The following LLGL2 variants were observed in gnomAD, a reference collection of about 807,000 sequenced individuals.
The protein encoded by LLGL2 is LLGL scribble cell polarity complex component 2.
In LLGL2, 81 loss-of-function variants were observed where a neutral mutation model predicts 123.2. The ratio of observed to expected loss-of-function variants is 0.66; its 90% CI spans 0.55 to 0.79. LLGL2 has a LOEUF of 0.79. Ranked by LOEUF, LLGL2 falls within the 30% of genes least tolerant of loss-of-function variation. The pLI is 0.00. For synonymous variants in LLGL2, 577 were observed against 594.1 expected, an observed-to-expected ratio of 0.97 and a Z score of 0.42; for missense variants, 1,273 against 1,414.6, an observed-to-expected ratio of 0.90 and a Z score of 1.61.
In LLGL2 at chr17:75,549,149, CTGTT is replaced by C. The variant is rs921834588; in HGVS notation, c.75+5651_75+5654del. ...CTCAGTTACTTCACCAGTGAAGTAACTGTTTGCTATATATGGTGGGCCGTCAAGC... is the reference window on the plus strand; with the variant it reads ...CTCAGTTACTTCACCAGTGAAGTAACTGCTATATATGGTGGGCCGTCAAGC... On this transcript the variant is annotated intron_variant, in intron 2 of 25. Coordinates refer to ENST00000392550, the MANE Select transcript of LLGL2 (RefSeq NM_001031803.2). This position sits in a 1 kb window ranked among gnomAD's most constrained non-coding sequence, Gnocchi z 4.0. 3.9e-5 allele frequency among the ~76,000 whole-genome samples: 6 copies of C among 152,050 alleles called. No individual in the cohort carries two copies. Among genetic ancestry groups the C allele is most frequent in the African/African-American group, 1.4e-4 (6 of 41,392 alleles).
At position 75,574,218 on chromosome 17, in the gene LLGL2, C is replaced by A. The variant is rs780706584; in HGVS notation, c.2911C>A (p.Gln971Lys). ...ACCCGGCCTCTACCTTCCAGAGAAG[C>A]AGCCCGGCCTGGTGATGGAGCGCGC... ...SGTQSDGEEK[Q>K]PGLVMERALL... The change falls in exon 23 of 26, where the codon CAG becomes AAG. Residue 971 changes from glutamine to lysine, a missense_variant. Physicochemically the swap from Gln to Lys is moderately conservative, Grantham distance 53. Transcript: ENST00000392550. 1.7e-4 allele frequency: 266 copies of A among 1,536,656 alleles called. No individual in the cohort carries two copies. Among genetic ancestry groups the A allele is most frequent in the South Asian group, 2.7e-4 (22 of 82,320 alleles).
rs1244967127 is a variant in LLGL2, at chr17:75,559,415, GCCC to G, written c.530+6_530+8del. On this transcript the variant is annotated splice_donor_region_variant and intron_variant, in intron 6 of 25. Coordinates refer to ENST00000392550, the MANE Select transcript of LLGL2 (RefSeq NM_001031803.2). The surrounding 1 kb of genome is among the most constrained non-coding windows in gnomAD (Gnocchi z 4.6). The stretch of plus-strand genomic sequence containing the variant: ...CTCGGACGCGGTGCTGCAGCGGTGA[GCCC>G]AGAGCCCAGCTGCTGTTAACTCCAT... 6.3e-7 allele frequency: 1 copy of G among 1,596,710 alleles called. No homozygotes were observed. Among genetic ancestry groups the G allele is most frequent in the Non-Finnish European group, 8.5e-7 (1 of 1,172,396 alleles).
At chr17:75,572,219 G>C (rs1017123761) in intron 19 of LLGL2, among the ~76,000 whole-genome samples, 155 bp downstream of exon 19, 2 of 152,144 alleles carry the variant, frequency 1.3e-5, no homozygotes, top group Non-Finnish European at 2.9e-5. Flanking sequence ...GGGGAGTCTC[G>C]TGTGAGGACA....
At chr17:75,545,654 G>A (rs984998966) in intron 2 of LLGL2, among the ~76,000 whole-genome samples, 3 of 152,178 alleles carry the variant, frequency 2.0e-5, no homozygotes, top group Non-Finnish European at 4.4e-5. Flanking sequence ...CTGACCCTGC[G>A]GCTCCAGGGG....
rs756588815 is a variant in LLGL2, at chr17:75,573,525, TCCA to T, written c.2774_2776del (p.Thr925del). ...CTCGGAGTTTGAGCGCTTCTCTCTC[TCCA>T]CCAAGTGGCTGGTGGAGCCCCGGTG... is the stretch of plus-strand genomic sequence containing the variant. On this transcript the variant is annotated inframe_deletion, in exon 21 of 26. Coordinates refer to ENST00000392550, the MANE Select transcript of LLGL2 (RefSeq NM_001031803.2). 1.2e-6 allele frequency: 2 copies of T among 1,612,692 alleles called. No homozygotes were observed. The highest frequency in any genetic ancestry group is 1.7e-6 in the Non-Finnish European group (2 of 1,179,844).
chr17:75,535,854 G>A (rs1253027626), intron 1 of LLGL2, among the ~76,000 whole-genome samples: 1 of 152,180 alleles, frequency 6.6e-6, no homozygotes, highest in Non-Finnish European at 1.5e-5. Flanking sequence ...GTGGACACCT[G>A]TCCTAGACCC....
chr17:75,550,031 G>C (rs1184578150), intron 2 of LLGL2, among the ~76,000 whole-genome samples: 1 of 152,268 alleles, frequency 6.6e-6, no homozygotes, highest in Admixed American at 6.5e-5. Flanking sequence ...CCAGGTATCA[G>C]ATGTGGGCGG....
chr17:75,553,528 C>A (rs2054771350), intron 2 of LLGL2, among the ~76,000 whole-genome samples: 1 of 152,178 alleles, frequency 6.6e-6, no homozygotes, highest in Admixed American at 6.5e-5. Context: ...TGCTTTGAGG[C>A]CTGGCAGGGC....
chr17:75,560,518 C>T (rs1469077517), intron 6 of LLGL2, among the ~76,000 whole-genome samples: 1 of 152,038 alleles, frequency 6.6e-6, no homozygotes, highest in Non-Finnish European at 1.5e-5. Context: ...TGGAGTTTCA[C>T]TCTTGTTCCC....
In LLGL2 at chr17:75,558,102, G is replaced by A. The variant is rs371652084; in HGVS notation, c.174-53G>A. 3.6e-4 allele frequency: 551 copies of A among 1,547,642 alleles called. No homozygotes were observed. Among genetic ancestry groups the A allele is most frequent in the Non-Finnish European group, 4.0e-4 (443 of 1,120,048 alleles). ...GGGCCCCGAGGGCCTGGCACTCAAG[G>A]CAGGCAGGGGATGGTGTCCGACCTT... On this transcript the variant is annotated intron_variant, in intron 3 of 25. Coordinates refer to ENST00000392550, the MANE Select transcript of LLGL2 (RefSeq NM_001031803.2). The surrounding 1 kb of genome is among the most constrained non-coding windows in gnomAD (Gnocchi z 4.0).
chr17:75,548,541 T>C (rs1260990208), intron 2 of LLGL2, among the ~76,000 whole-genome samples: 2 of 152,032 alleles, frequency 1.3e-5, no homozygotes, highest in Non-Finnish European at 2.9e-5. Flanking sequence ...GTCTCCTGCC[T>C]GCAATGCCAG....
intron 23 of LLGL2, 48 bp from the exon 24 acceptor site, chr17:75,574,405 A>G (rs762463307): frequency 6.5e-7 from 1 of 1,546,376 alleles, no homozygotes; most frequent in South Asian, 1.2e-5. Flanking sequence ...GGCTGTGGCT[A>G]GCCGCCCCAA....
intron 23 of LLGL2, 73 bp downstream of exon 23, chr17:75,574,333 C>T: frequency 6.6e-7 from 1 of 1,524,116 alleles, no homozygotes; most frequent in Non-Finnish European, 8.8e-7. Context: ...GGAGGCTGGG[C>T]AGGCCACTGC....
chr17:75,528,405 G>A (rs758173343), intron 1 of LLGL2, among the ~76,000 whole-genome samples: 24 of 152,094 alleles, frequency 1.6e-4, no homozygotes, highest in East Asian at 9.8e-4. Context: ...GTAAGCCACC[G>A]CGCCCGGCCT....
At chr17:75,571,172 C>T (rs931786663) in intron 17 of LLGL2, 72 bp downstream of exon 17, 6 of 1,421,416 alleles carry the variant, frequency 4.2e-6, no homozygotes, top group Admixed American at 2.0e-5. Context: ...GGGGGCATGC[C>T]GGGGGCTGCT....
At chr17:75,574,024 G>C in intron 22 of LLGL2, 44 bp downstream of exon 22, 2 of 1,550,510 alleles carry the variant, frequency 1.3e-6, no homozygotes, top group Non-Finnish European at 1.7e-6. Flanking sequence ...GGCCACACCC[G>C]GCCCAGACCT....
chr17:75,571,823 C>T, intron 18 of LLGL2, 40 bp downstream of exon 18: 1 of 1,603,716 alleles, frequency 6.2e-7, no homozygotes, highest in Non-Finnish European at 8.5e-7. Context: ...GCTCGGGCTG[C>T]CTGGGCTGGG....
chr17:75,556,170 C>A (rs201650903), intron 3 of LLGL2, 27 bp downstream of exon 3: 6 of 1,563,846 alleles, frequency 3.8e-6, no homozygotes, highest in African/African-American at 1.3e-5. Flanking sequence ...CGCTCCCACT[C>A]GGGCAGGGCC....
intron 3 of LLGL2, chr17:75,557,863 A>G (rs1598591288): frequency 4.4e-6 from 2 of 456,270 alleles, no homozygotes; most frequent in Non-Finnish European, 8.2e-6. Context: ...GCTCAGGATC[A>G]GGGTGGCAGC....
Sources: allele counts gnomAD v4.1 joint callset (sites outside exome capture counted in the v4.1 genomes callset), GRCh38; gene constraint gnomAD v4.1.1; non-coding constraint Gnocchi (gnomAD v3.1); transcripts MANE v1.5; gene names NCBI Gene and HGNC (gene_info 2026-07-23, HGNC 2026-07-21).